NOL4: variants seen among roughly 807,000 people sequenced by gnomAD.
NOL4 encodes cancer/testis antigen 125.
Under a neutral mutation model 75.9 loss-of-function variants are expected in NOL4, and 17 were observed. The ratio of observed to expected loss-of-function variants is 0.22; its 90% CI spans 0.15 to 0.34. The LOEUF (loss-of-function observed/expected upper bound fraction) is 0.34, where lower values mean the gene tolerates loss of function less well. Ranked by LOEUF, NOL4 falls within the 10% of genes least tolerant of loss-of-function variation. NOL4 has a pLI of 1.00. For synonymous variants in NOL4, 292 were observed against 289.9 expected, an observed-to-expected ratio of 1.01 and a Z score of -0.07; for missense variants, 614 against 793.5, an observed-to-expected ratio of 0.77 and a Z score of 2.72.
At chr18:34,222,463 C>G (rs1379473644) in intron 1 of NOL4, 1 of 1,089,142 alleles carries the variant, frequency 9.2e-7, no homozygotes, top group Non-Finnish European at 1.1e-6. Context: ...AGCGATCTAA[C>G]GATAAAACCT....
At chr18:33,959,788 A>G (rs1384217788) in intron 6 of NOL4, among the ~76,000 whole-genome samples, 1 of 152,084 alleles carries the variant, frequency 6.6e-6, no homozygotes, top group East Asian at 1.9e-4. Flanking sequence ...TCCAGATTCT[A>G]CAGATAAGGA....
chr18:33,958,632 T>C (rs1026258), intron 6 of NOL4, among the ~76,000 whole-genome samples: 107,208 of 152,022 alleles, frequency 0.71, 38,233 homozygotes, highest in African/African-American at 0.79. Context: ...TGCAAGTACT[T>C]GTTAGCTGCA....
At chr18:33,976,938 A>T (rs764177855) in intron 6 of NOL4, among the ~76,000 whole-genome samples, 33 of 152,158 alleles carry the variant, frequency 2.2e-4, no homozygotes, top group Non-Finnish European at 4.1e-4. Flanking sequence ...TTAACAATGG[A>T]ATTGCCCAGC....
At chr18:33,973,022 T>G (rs2071203272) in intron 6 of NOL4, among the ~76,000 whole-genome samples, 1 of 152,248 alleles carries the variant, frequency 6.6e-6, no homozygotes, top group African/African-American at 2.4e-5. Context: ...TCAAGATTTC[T>G]CTGTAACATG....
chr18:34,069,206 C>A (rs1041032305), intron 5 of NOL4, among the ~76,000 whole-genome samples: 1 of 152,026 alleles, frequency 6.6e-6, no homozygotes, highest in Non-Finnish European at 1.5e-5. Context: ...TCTAAGAAAA[C>A]ACCAAATGGA....
intron 8 of NOL4, among the ~76,000 whole-genome samples, chr18:33,955,745 G>T (rs781486070): frequency 4.6e-5 from 7 of 152,072 alleles, no homozygotes; most frequent in Non-Finnish European, 1.0e-4. Context: ...TGGACATTTA[G>T]CAGCCTAGTA....
At chr18:34,078,912 G>A (rs1333413012) in intron 5 of NOL4, among the ~76,000 whole-genome samples, 1 of 152,102 alleles carries the variant, frequency 6.6e-6, no homozygotes, top group Non-Finnish European at 1.5e-5. Flanking sequence ...TAAGGTTAGC[G>A]GTTGTTACTA....
chr18:34,196,225 G>C (rs2035319042), intron 1 of NOL4, among the ~76,000 whole-genome samples: 1 of 152,100 alleles, frequency 6.6e-6, no homozygotes, highest in Non-Finnish European at 1.5e-5. Flanking sequence ...AAGAAGAGGA[G>C]CTGTCTGCTT....
intron 9 of NOL4, among the ~76,000 whole-genome samples, chr18:33,886,726 T>C (rs2144736034): frequency 6.8e-6 from 1 of 147,856 alleles, no homozygotes; most frequent in South Asian, 2.1e-4. Context: ...TTGCACATTG[T>C]ATGCCTGTAT....
intron 1 of NOL4, among the ~76,000 whole-genome samples, chr18:34,133,549 G>T (rs982055709): frequency 6.6e-5 from 10 of 151,812 alleles, no homozygotes; most frequent in Non-Finnish European, 1.3e-4. Flanking sequence ...GACTTCAAAG[G>T]CAACTGGATA....
At chr18:33,891,355 G>C (rs375140074) in intron 9 of NOL4, among the ~76,000 whole-genome samples, 1 of 152,086 alleles carries the variant, frequency 6.6e-6, no homozygotes, top group African/African-American at 2.4e-5. Context: ...TAGCAGCTCT[G>C]CTTTCTTCTA....
intron 4 of NOL4, among the ~76,000 whole-genome samples, chr18:34,098,921 T>G (rs2145611092): frequency 6.6e-6 from 1 of 152,266 alleles, no homozygotes; most frequent in Admixed American, 6.5e-5. Context: ...AGTAAATTAT[T>G]TACGGCCAGT....
At chr18:34,220,513 G>C (rs1359799917) in intron 1 of NOL4, among the ~76,000 whole-genome samples, 8 of 151,944 alleles carry the variant, frequency 5.3e-5, no homozygotes, top group Admixed American at 5.3e-4. Context: ...TTGTCTTCTT[G>C]GTGACTGTAC....
chr18:34,203,453 G>A (rs937336962), intron 1 of NOL4, among the ~76,000 whole-genome samples: 4 of 147,936 alleles, frequency 2.7e-5, no homozygotes, highest in African/African-American at 1.0e-4. Context: ...ATACACACAA[G>A]TAAAGCTGGG....
intron 1 of NOL4, among the ~76,000 whole-genome samples, chr18:34,197,793 T>C (rs2035442777): frequency 6.6e-6 from 1 of 151,516 alleles, no homozygotes; most frequent in Admixed American, 6.6e-5. Context: ...TTTAAGGACA[T>C]GAACAAAGAC....
chr18:34,031,763 T>A (rs2075649681), intron 5 of NOL4, among the ~76,000 whole-genome samples: 1 of 152,124 alleles, frequency 6.6e-6, no homozygotes, highest in Non-Finnish European at 1.5e-5. Context: ...GACTCCTCAA[T>A]ACAAGGAAAG....
intron 1 of NOL4, among the ~76,000 whole-genome samples, chr18:34,196,242 G>A (rs1226586195): frequency 6.6e-6 from 1 of 152,058 alleles, no homozygotes; most frequent in Non-Finnish European, 1.5e-5. Flanking sequence ...GCTTTAATGT[G>A]TGCATATACT....
At chr18:34,144,013 G>T (rs1478997654) in intron 1 of NOL4, among the ~76,000 whole-genome samples, 2 of 151,966 alleles carry the variant, frequency 1.3e-5, no homozygotes, top group African/African-American at 2.4e-5. Context: ...CTACCAGTGG[G>T]AAATCACTGA....
At chr18:34,034,510 G>A (rs557827241) in intron 5 of NOL4, among the ~76,000 whole-genome samples, 2 of 152,252 alleles carry the variant, frequency 1.3e-5, no homozygotes, top group East Asian at 1.9e-4. Flanking sequence ...AGGCCAAGTC[G>A]GGTGGATCAC....
Sources: gnomAD v4.1 joint callset for allele counts (sites outside exome capture counted in the v4.1 genomes callset) on GRCh38, gnomAD v4.1.1 for gene constraint, MANE v1.5 for transcripts, NCBI Gene and HGNC (gene_info 2026-07-23, HGNC 2026-07-21) for gene names.